DIAPH3: variants seen among roughly 807,000 people sequenced by gnomAD.
DIAPH3 encodes protein diaphanous homolog 3.
Under a neutral mutation model 144.3 loss-of-function variants are expected in DIAPH3, and 117 were observed. That is an observed-to-expected ratio of 0.81 (90% CI 0.70 to 0.95). The LOEUF is 0.95. Ranked by LOEUF, DIAPH3 falls within the 40% of genes least tolerant of loss-of-function variation. The pLI, the probability that DIAPH3 is intolerant of heterozygous loss-of-function variation, is 0.00. For synonymous variants in DIAPH3, 519 were observed against 488.9 expected, an observed-to-expected ratio of 1.06 and a Z score of -0.81; for missense variants, 1,421 against 1,412.7, an observed-to-expected ratio of 1.01 and a Z score of -0.09.
At chr13:59,900,293 TTATTCCATTTTCTTCCA>T (rs1195215889) in intron 20 of DIAPH3, among the ~76,000 whole-genome samples, 4 of 152,204 alleles carry the variant, frequency 2.6e-5, no homozygotes, top group African/African-American at 9.7e-5. Flanking sequence ...GTATTAGAGA[TTATTCCATTTTCTTCCA>T]TATGAGAGCA....
chr13:60,135,382 C>G (rs540174469), intron 1 of DIAPH3, among the ~76,000 whole-genome samples: 2 of 151,872 alleles, frequency 1.3e-5, no homozygotes, highest in East Asian at 3.9e-4. Context: ...CAGTTATAAC[C>G]TATGTTATTA....
intron 20 of DIAPH3, among the ~76,000 whole-genome samples, chr13:59,906,066 G>T (rs2046719178): frequency 6.6e-6 from 1 of 152,148 alleles, no homozygotes; most frequent in African/African-American, 2.4e-5. Flanking sequence ...GCTAGGAAGA[G>T]GTACAGCTAG....
intron 17 of DIAPH3, among the ~76,000 whole-genome samples, chr13:59,959,791 G>A (rs2049636503): frequency 6.6e-6 from 1 of 152,130 alleles, no homozygotes; most frequent in Non-Finnish European, 1.5e-5. Flanking sequence ...TGATAAATTT[G>A]CATTTCTAAA....
intron 1 of DIAPH3, among the ~76,000 whole-genome samples, chr13:60,160,193 C>T (rs1037118901): frequency 3.9e-5 from 6 of 152,084 alleles, no homozygotes; most frequent in Non-Finnish European, 2.9e-5. Context: ...CTCTGCACTC[C>T]AGCCTGGGCG....
rs535165211 is a variant in DIAPH3 at position 59,763,683 on chromosome 13, C to CA, written c.3319+10505dup. On this transcript the variant is annotated intron_variant, in intron 27 of 27. Transcript: ENST00000400324. The stretch of plus-strand genomic sequence containing the variant: ...TAGGCAACAGAGAGAAACCCTGTCA[C>CA]AAAAAAAAAATTGTCTTTGATATCC... Among the ~76,000 whole-genome samples, 135 of 148,298 alleles carry CA rather than the reference C, an allele frequency of 9.1e-4. 1 individual carries two copies. Among genetic ancestry groups the CA allele is most frequent in the East Asian group, 4.1e-3 (21 of 5,068 alleles).
intron 27 of DIAPH3, among the ~76,000 whole-genome samples, chr13:59,755,799 C>G (rs1274113109): frequency 6.6e-6 from 1 of 152,016 alleles, no homozygotes; most frequent in Non-Finnish European, 1.5e-5. Context: ...CTAGGTATTT[C>G]TAATGTGGCC....
At chr13:59,851,109 T>C (rs1463774337) in intron 22 of DIAPH3, among the ~76,000 whole-genome samples, 8 of 151,880 alleles carry the variant, frequency 5.3e-5, no homozygotes, top group African/African-American at 1.7e-4. Context: ...TTGATGAACA[T>C]TGATGCAAAA....
At chr13:60,129,338 G>A (rs1566804593) in intron 2 of DIAPH3, among the ~76,000 whole-genome samples, 1 of 152,028 alleles carries the variant, frequency 6.6e-6, no homozygotes, top group Admixed American at 6.6e-5. Flanking sequence ...TATTACCCTA[G>A]CACCTAAGCT....
intron 25 of DIAPH3, among the ~76,000 whole-genome samples, chr13:59,786,544 T>C (rs546199306): frequency 1.4e-4 from 21 of 152,318 alleles, no homozygotes; most frequent in African/African-American, 5.1e-4. Context: ...GCTCACTTAA[T>C]TGTCTACTCA....
intron 3 of DIAPH3, among the ~76,000 whole-genome samples, chr13:60,110,153 GTTC>G (rs1487497649): frequency 6.6e-6 from 1 of 152,148 alleles, no homozygotes; most frequent in African/African-American, 2.4e-5. Flanking sequence ...GAAAAGAGGT[GTTC>G]TTCAAAACAA....
chr13:60,007,621 A>T (rs1367452158), intron 9 of DIAPH3, among the ~76,000 whole-genome samples: 1 of 152,172 alleles, frequency 6.6e-6, no homozygotes, highest in African/African-American at 2.4e-5. Flanking sequence ...CACCATGCCA[A>T]TTAAGTTTTA....
intron 27 of DIAPH3, among the ~76,000 whole-genome samples, chr13:59,692,864 A>G (rs1032990209): frequency 2.5e-4 from 38 of 152,336 alleles, no homozygotes; most frequent in African/African-American, 8.9e-4. Context: ...AATACTGATT[A>G]TAATAAAATC....
At position 59,859,543 on chromosome 13, in the gene DIAPH3, C is replaced by T. The variant is rs567587759; in HGVS notation, c.2737+1864G>A. On this transcript the variant is annotated intron_variant, in intron 22 of 27. Coordinates refer to ENST00000400324, the MANE Select transcript of DIAPH3 (RefSeq NM_001042517.2). Reference sequence around the variant, plus strand: ...AATTCTACAATAAAAAATACATCTACTCAACCATGTTTTTCCCCAGGAAAA... The same window carrying T: ...AATTCTACAATAAAAAATACATCTATTCAACCATGTTTTTCCCCAGGAAAA... 2.6e-3 allele frequency among the ~76,000 whole-genome samples: 392 copies of T among 152,268 alleles called. 1 individual carries two copies. The highest frequency in any genetic ancestry group is 4.2e-3 in the Non-Finnish European group (289 of 68,016).
intron 23 of DIAPH3, chr13:59,837,769 TAAAAA>T (rs2042116157): frequency 7.6e-6 from 1 of 131,360 alleles, no homozygotes; most frequent in Non-Finnish European, 1.6e-5. Flanking sequence ...CACCTTTACT[TAAAAA>T]GAAAAAAAAA....
chr13:59,923,189 C>A (rs1352532358), intron 18 of DIAPH3, among the ~76,000 whole-genome samples: 1 of 152,174 alleles, frequency 6.6e-6, no homozygotes, highest in Non-Finnish European at 1.5e-5. Context: ...CTTACCACAG[C>A]TGACCCATTC....
chr13:59,894,079 T>C (rs2045959697), intron 20 of DIAPH3, among the ~76,000 whole-genome samples: 2 of 152,114 alleles, frequency 1.3e-5, no homozygotes, highest in South Asian at 4.1e-4. Context: ...GCCATTGATT[T>C]GGTGGGTGCA....
intron 27 of DIAPH3, among the ~76,000 whole-genome samples, chr13:59,719,324 C>T (rs1012667160): frequency 2.6e-5 from 4 of 152,104 alleles, no homozygotes; most frequent in East Asian, 1.9e-4. Context: ...CTATCAAATA[C>T]AATACTAACA....
intron 27 of DIAPH3, among the ~76,000 whole-genome samples, chr13:59,734,356 C>T (rs926907871): frequency 1.3e-5 from 2 of 152,146 alleles, no homozygotes; most frequent in South Asian, 2.1e-4. Flanking sequence ...ACAAAAACCA[C>T]CTAAAGCCCA....
chr13:60,083,718 G>C (rs1315551086), intron 4 of DIAPH3, among the ~76,000 whole-genome samples: 2 of 151,938 alleles, frequency 1.3e-5, no homozygotes, highest in Non-Finnish European at 2.9e-5. Context: ...GGACAGAATA[G>C]ACCAAGGGAC....
Sources: allele counts gnomAD v4.1 joint callset (sites outside exome capture counted in the v4.1 genomes callset), GRCh38; gene constraint gnomAD v4.1.1; transcripts MANE v1.5; gene names NCBI Gene and HGNC (gene_info 2026-07-23, HGNC 2026-07-21).